The following CNBD1 variants were observed in gnomAD, a reference collection of about 807,000 sequenced individuals.
CNBD1 encodes cyclic nucleotide binding domain containing 1.
A neutral mutation model predicts 54.4 loss-of-function variants in CNBD1; 71 were observed. The ratio of observed to expected loss-of-function variants is 1.30; its 90% CI spans 1.08 to 1.59. CNBD1 has a LOEUF of 1.59. CNBD1 is among the 40% of genes most tolerant of loss of function. CNBD1 has a pLI of 0.00. For missense variants in CNBD1, 659 were observed against 518.0 expected (o/e 1.27, Z -2.64); for synonymous variants, 182 against 170.7 (o/e 1.07, Z -0.51).
At chr8:86,970,926 C>G (rs73271747) in intron 4 of CNBD1, among the ~76,000 whole-genome samples, 2 of 152,068 alleles carry the variant, frequency 1.3e-5, no homozygotes, top group East Asian at 1.9e-4. Flanking sequence ...TTCAGTTATA[C>G]GTTTATCATT....
chr8:87,149,274 A>G (rs2130746596), intron 4 of CNBD1, among the ~76,000 whole-genome samples: 1 of 152,328 alleles, frequency 6.6e-6, no homozygotes, highest in Non-Finnish European at 1.5e-5. Context: ...ACTGTACTAG[A>G]GGAGAGATGG....
chr8:86,920,927 A>G (rs144881154), intron 3 of CNBD1, among the ~76,000 whole-genome samples: 303 of 152,196 alleles, frequency 2.0e-3, no homozygotes, highest in African/African-American at 6.9e-3. Context: ...GGTATAGTGT[A>G]TGCATAGTCT....
chr8:87,043,453 G>A (rs1038208813), intron 4 of CNBD1, among the ~76,000 whole-genome samples: 4 of 152,108 alleles, frequency 2.6e-5, no homozygotes, highest in Admixed American at 6.5e-5. Flanking sequence ...AACACATTTT[G>A]TCTGTAAACC....
chr8:87,203,064 GA>G (rs1813897257), intron 4 of CNBD1, among the ~76,000 whole-genome samples: 1 of 152,190 alleles, frequency 6.6e-6, no homozygotes, highest in Non-Finnish European at 1.5e-5. Flanking sequence ...TTCTGTCACT[GA>G]CTAGACATGA....
At chr8:87,180,935 A>G (rs1395272254) in intron 4 of CNBD1, among the ~76,000 whole-genome samples, 1 of 152,196 alleles carries the variant, frequency 6.6e-6, no homozygotes, top group Non-Finnish European at 1.5e-5. Flanking sequence ...TTGGGGTTCC[A>G]CAAAGCAGAT....
intron 4 of CNBD1, among the ~76,000 whole-genome samples, chr8:86,964,457 G>A (rs1298750657): frequency 6.6e-6 from 1 of 152,230 alleles, no homozygotes; most frequent in Non-Finnish European, 1.5e-5. Context: ...CTTTTCAGCA[G>A]TGGTCAGGGT....
intron 4 of CNBD1, among the ~76,000 whole-genome samples, chr8:86,972,613 C>T (rs1199811678): frequency 6.6e-6 from 1 of 152,150 alleles, no homozygotes; most frequent in African/African-American, 2.4e-5. Flanking sequence ...AGGTAAGATA[C>T]ACAGACACAC....
chr8:87,321,756 A>T (rs1809538707), intron 8 of CNBD1, among the ~76,000 whole-genome samples: 2 of 150,656 alleles, frequency 1.3e-5, no homozygotes, highest in Middle Eastern at 3.4e-3. Flanking sequence ...GTATCCAAGA[A>T]ATCATTGCCA....
intron 4 of CNBD1, among the ~76,000 whole-genome samples, chr8:87,147,347 A>G (rs1484894168): frequency 1.3e-5 from 2 of 152,060 alleles, no homozygotes; most frequent in African/African-American, 4.8e-5. Flanking sequence ...TTAGAATACT[A>G]CCTGGGCTTT....
intron 4 of CNBD1, among the ~76,000 whole-genome samples, chr8:87,087,049 C>T (rs904961506): frequency 2.0e-5 from 3 of 151,266 alleles, no homozygotes; most frequent in Admixed American, 2.0e-4. Context: ...AGTCATTGTC[C>T]CCAAGAGGAT....
At chr8:87,208,571 T>A (rs1389719748) in intron 5 of CNBD1, among the ~76,000 whole-genome samples, 4 of 152,042 alleles carry the variant, frequency 2.6e-5, no homozygotes, top group African/African-American at 9.7e-5. Flanking sequence ...ACAAGGGACA[T>A]TTTTATGATT....
chr8:86,978,443 C>T lies in CNBD1; in HGVS notation c.431+38689C>T, dbSNP rs368252623. ...TCTCTAATTTAAAGTTAAGATTGACCACAGCTTTTATGTGAAATTTGATTT... is the reference window on the plus strand; with the variant it reads ...TCTCTAATTTAAAGTTAAGATTGACTACAGCTTTTATGTGAAATTTGATTT... On this transcript the variant is annotated intron_variant, in intron 4 of 10. Transcript: ENST00000518476. Among the ~76,000 whole-genome samples, 72 of 151,748 alleles carry T rather than the reference C, an allele frequency of 4.7e-4. No individual in the cohort carries two copies. The South Asian group carries it at 6.3e-3, about 13-fold the overall frequency.
intron 4 of CNBD1, among the ~76,000 whole-genome samples, chr8:86,993,976 A>G (rs2130532896): frequency 6.6e-6 from 1 of 152,242 alleles, no homozygotes; most frequent in South Asian, 2.1e-4. Context: ...ACAGGGCTCT[A>G]TTGGGTAGAG....
chr8:87,139,841 A>G (rs1812336365), intron 4 of CNBD1, among the ~76,000 whole-genome samples: 1 of 152,180 alleles, frequency 6.6e-6, no homozygotes, highest in South Asian at 2.1e-4. Flanking sequence ...AGAAAAGATC[A>G]AGGAAACTGT....
At chr8:87,263,269 A>G (rs1173635379) in intron 6 of CNBD1, among the ~76,000 whole-genome samples, 3 of 152,112 alleles carry the variant, frequency 2.0e-5, no homozygotes, top group African/African-American at 7.2e-5. Context: ...AACCATGCAT[A>G]TTTGTATATA....
At chr8:86,982,563 A>G (rs1453820045) in intron 4 of CNBD1, among the ~76,000 whole-genome samples, 2 of 152,202 alleles carry the variant, frequency 1.3e-5, no homozygotes, top group Non-Finnish European at 2.9e-5. Context: ...CCATTGAATT[A>G]TCTTTGTAAG....
At chr8:86,967,159 G>A (rs1192722691) in intron 4 of CNBD1, among the ~76,000 whole-genome samples, 1 of 152,186 alleles carries the variant, frequency 6.6e-6, no homozygotes, top group Admixed American at 6.5e-5. Context: ...ACACCCTTGA[G>A]CCTGCAGAAA....
At chr8:87,075,327 A>G (rs1019197767) in intron 4 of CNBD1, among the ~76,000 whole-genome samples, 5 of 152,178 alleles carry the variant, frequency 3.3e-5, no homozygotes, top group Non-Finnish European at 7.3e-5. Flanking sequence ...CCATAGATAG[A>G]TAGTTTTTTT....
chr8:87,082,328 CT>C (rs1423340542), intron 4 of CNBD1, among the ~76,000 whole-genome samples: 3 of 152,182 alleles, frequency 2.0e-5, no homozygotes, highest in Admixed American at 1.3e-4. Context: ...TGCCCCACCC[CT>C]ATCTCCCTTT....
Sources: allele counts gnomAD v4.1 joint callset (sites outside exome capture counted in the v4.1 genomes callset), GRCh38; gene constraint gnomAD v4.1.1; transcripts MANE v1.5; gene names NCBI Gene and HGNC (gene_info 2026-07-23, HGNC 2026-07-21).